The following BAHCC1 variants were observed in gnomAD, a reference collection of about 807,000 sequenced individuals.
BAHCC1 encodes the protein BAH and coiled-coil domain-containing protein 1.
A neutral mutation model predicts 88.2 loss-of-function variants in BAHCC1; 43 were observed. The ratio of observed to expected loss-of-function variants is 0.49; its 90% CI spans 0.38 to 0.63. BAHCC1 has a LOEUF of 0.63. Ranked by LOEUF, BAHCC1 falls within the 20% of genes least tolerant of loss-of-function variation. BAHCC1 has a pLI of 0.00. For missense variants in BAHCC1, 3,023 were observed against 1,654.8 expected (o/e 1.83, Z -14.34); for synonymous variants, 1,510 against 745.5 (o/e 2.03, Z -16.71).
At chr17:81,443,704 C>T in intron 5 of BAHCC1, 105 bp from the exon 6 acceptor site, 1 of 659,424 alleles carries the variant, frequency 1.5e-6, no homozygotes, top group South Asian at 1.7e-5. Context: ...GGATCCTCCT[C>T]AGTGCATCAG....
At position 81,459,092 on chromosome 17, in the gene BAHCC1, G is replaced by A. The variant is rs781879497; in HGVS notation, c.5644G>A (p.Gly1882Arg). 3 of 770,078 alleles carry A rather than the reference G, an allele frequency of 3.9e-6. No homozygotes were observed. Among genetic ancestry groups the A allele is most frequent in the South Asian group, 1.4e-5 (1 of 73,240 alleles). 47.7% of individuals were successfully genotyped at this position (770,078 alleles called of 1,614,324 possible). Reference protein sequence around the residue: ...CAIHKEDLRDGLPVLIPKEDS... With the variant: ...CAIHKEDLRDRLPVLIPKEDS... ...CATCCACAAGGAGGACCTGCGGGAC[G>A]GGCTGCCCGTGCTCATCCCCAAGGA... Residue 1882 changes from glycine (G) to arginine (R), a missense_variant, in exon 21 of 28, where the codon GGG becomes AGG. Transcript: ENST00000675386.
chr17:81,411,690 C>G lies in BAHCC1; in HGVS notation c.178+11773C>G. 1 of 331,860 alleles carries G rather than the reference C, an allele frequency of 3.0e-6. No individual in the cohort carries two copies. Among genetic ancestry groups the G allele is most frequent in the Non-Finnish European group, 6.0e-6 (1 of 167,994 alleles). The allele number at this position is 331,860 out of a possible 1,614,324, so 20.6% of individuals were successfully genotyped here. A position where few individuals can be genotyped will look rare whatever the true frequency, so the allele number is the denominator to read the frequency against. ...ACCTGAGGCCCTCCAGGCAGCTCCC[C>G]TTCCACTCTGCCCAGCCCACCCTGC... On this transcript the variant is annotated intron_variant, in intron 2 of 27. Transcript: ENST00000675386. The surrounding 1 kb of genome is among the most constrained non-coding windows in gnomAD (Gnocchi z 6.2).
At chr17:81,424,107 C>T (rs554906579) in intron 2 of BAHCC1, among the ~76,000 whole-genome samples, 5 of 152,344 alleles carry the variant, frequency 3.3e-5, no homozygotes, top group Admixed American at 2.0e-4. Context: ...CTCTGTCCCC[C>T]GCCCTCAGTC....
chr17:81,426,470 G>T (rs1362182522), intron 2 of BAHCC1, among the ~76,000 whole-genome samples: 1 of 150,338 alleles, frequency 6.7e-6, no homozygotes, highest in Non-Finnish European at 1.5e-5. Context: ...TGTGGTTGGG[G>T]GTGATAGTGG....
chr17:81,416,763 TGTCATTGACGTC>T (rs1598462989), intron 2 of BAHCC1, among the ~76,000 whole-genome samples: 1 of 152,204 alleles, frequency 6.6e-6, no homozygotes, highest in East Asian at 1.9e-4. Flanking sequence ...ATGGAGCCTG[TGTCATTGACGTC>T]GCCTGTTTGG....
chr17:81,442,404 G>A lies in BAHCC1; in HGVS notation c.1055G>A (p.Gly352Glu), dbSNP rs782074298. ...QMLHHTASYA[G>E]PPPPLSTAAG... is the part of the protein sequence containing the mutation. ...CTACACCACACCGCATCCTACGCCGGGCCACCCCCGCCCCTCAGCACAGCC... is the reference window on the plus strand; with the variant it reads ...CTACACCACACCGCATCCTACGCCGAGCCACCCCCGCCCCTCAGCACAGCC... The change falls in exon 5 of 28, where the codon GGG becomes GAG. Residue 352 changes from glycine to glutamate, a missense_variant. By Grantham distance (98) the Gly-to-Glu change is moderately conservative. Transcript: ENST00000675386. The A allele has an allele frequency of 8.6e-5, 60 of 697,092 alleles. No individual in the cohort carries two copies. Among genetic ancestry groups the A allele is most frequent in the South Asian group, 6.9e-4 (45 of 65,486 alleles). The allele number at this position is 697,092 out of a possible 1,614,324, so 43.2% of individuals were successfully genotyped here.
chr17:81,462,300 A>G (rs2030366678), intron 26 of BAHCC1, among the ~76,000 whole-genome samples: 1 of 152,104 alleles, frequency 6.6e-6, no homozygotes, highest in Non-Finnish European at 1.5e-5. Flanking sequence ...CCTGAGCTGC[A>G]CTCCGCATGG....
chr17:81,414,500 T>C (rs1303133378), intron 2 of BAHCC1, among the ~76,000 whole-genome samples: 3 of 151,974 alleles, frequency 2.0e-5, no homozygotes, highest in African/African-American at 7.3e-5. Context: ...CCAAACCCCC[T>C]CGGCCAGCCC....
At chr17:81,460,845 C>T (rs782791181) in intron 25 of BAHCC1, 21 bp from the exon 26 acceptor site, 11 of 766,618 alleles carry the variant, frequency 1.4e-5, no homozygotes, top group Non-Finnish European at 2.6e-5. Context: ...GGGGCTGACT[C>T]TGCTGGGCTT....
At chr17:81,410,684 C>T (rs142474872) in intron 2 of BAHCC1, among the ~76,000 whole-genome samples, 7 of 152,274 alleles carry the variant, frequency 4.6e-5, no homozygotes, top group Admixed American at 6.5e-5. Flanking sequence ...GGGGGGCCTT[C>T]GTGGCCTTCC....
chr17:81,427,858 C>T lies in BAHCC1; in HGVS notation c.358+879C>T, dbSNP rs971460894. On this transcript the variant is annotated intron_variant, in intron 3 of 27. Transcript: ENST00000675386. ...AGCGGCGGGCGTCGTGTTTACAGAG[C>T]GCCGCGGACCCACACACCACGCCAC... 8.8e-3 allele frequency among the ~76,000 whole-genome samples: 1,338 copies of T among 152,238 alleles called. 14 individuals are homozygous for T. Among genetic ancestry groups the T allele is most frequent in the African/African-American group, 0.031 (1,274 of 41,542 alleles).
At chr17:81,427,291 C>T (rs1198898995) in intron 3 of BAHCC1, among the ~76,000 whole-genome samples, 5 of 152,246 alleles carry the variant, frequency 3.3e-5, no homozygotes, top group Admixed American at 6.5e-5. Flanking sequence ...ACAGCTGGGC[C>T]GGCCGGGCTG....
chr17:81,410,381 G>A (rs556812729), intron 2 of BAHCC1, among the ~76,000 whole-genome samples: 1 of 152,346 alleles, frequency 6.6e-6, no homozygotes, highest in South Asian at 2.1e-4. Context: ...CTGTGGCCTT[G>A]AGGCCTTAGT....
intron 2 of BAHCC1, among the ~76,000 whole-genome samples, chr17:81,414,160 G>T (rs2063990114): frequency 6.6e-6 from 1 of 152,174 alleles, no homozygotes. Flanking sequence ...ACCAGCCGTG[G>T]CCCCCTCGAT....
chr17:81,413,182 G>A (rs368406740), intron 2 of BAHCC1: 10 of 415,198 alleles, frequency 2.4e-5, no homozygotes, highest in East Asian at 8.9e-5. Flanking sequence ...GACCCCACCC[G>A]TGGCTGTGGC....
At chr17:81,418,614 C>T (rs2064065698) in intron 2 of BAHCC1, among the ~76,000 whole-genome samples, 1 of 152,166 alleles carries the variant, frequency 6.6e-6, no homozygotes, top group South Asian at 2.1e-4. Flanking sequence ...GCCAAGAGCC[C>T]TTGCCAAGGT....
At chr17:81,408,547 G>C (rs1209484229) in intron 2 of BAHCC1, among the ~76,000 whole-genome samples, 3 of 152,038 alleles carry the variant, frequency 2.0e-5, no homozygotes, top group African/African-American at 7.3e-5. Flanking sequence ...TGCCACCCTG[G>C]AGTTCTGATC....
chr17:81,453,401 G>A (rs565059451), intron 14 of BAHCC1, among the ~76,000 whole-genome samples: 5 of 152,258 alleles, frequency 3.3e-5, no homozygotes, highest in Admixed American at 2.0e-4. Context: ...CGATTGGCGC[G>A]TGCGTGTGCG....
chr17:81,410,815 C>T (rs1412492440), intron 2 of BAHCC1, among the ~76,000 whole-genome samples: 13 of 152,002 alleles, frequency 8.6e-5, no homozygotes, highest in East Asian at 3.9e-4. Flanking sequence ...AAGATGTCCC[C>T]GTATCCCCCC....
Sources: gnomAD v4.1 joint callset for allele counts (sites outside exome capture counted in the v4.1 genomes callset) on GRCh38, gnomAD v4.1.1 for gene constraint, Gnocchi (gnomAD v3.1) non-coding constraint, MANE v1.5 for transcripts, NCBI Gene and HGNC (gene_info 2026-07-23, HGNC 2026-07-21) for gene names.